Variants in CYSLTR2 observed in about 807,000 individuals in gnomAD.
CYSLTR2 encodes G-protein coupled receptor GPCR21.
For missense variants in CYSLTR2, 398 were observed against 411.9 expected (o/e 0.97, Z 0.29); for synonymous variants, 179 against 160.8 (o/e 1.11, Z -0.86).
intron 1 of CYSLTR2, among the ~76,000 whole-genome samples, chr13:48,683,602 G>A (rs1032242780): frequency 1.3e-5 from 2 of 151,736 alleles, no homozygotes; most frequent in Non-Finnish European, 1.5e-5. Context: ...TTATAGGTTG[G>A]TTTAAGTTCT....
Position 48,710,786 on chromosome 13 carries a change from A to G in CYSLTR2, c.*2928A>G, listed in dbSNP as rs1410914311. 6.6e-6 allele frequency: 1 copy of G among 152,230 alleles called. No individual in the cohort carries two copies. Among genetic ancestry groups the G allele is most frequent in the Non-Finnish European group, 1.5e-5 (1 of 68,030 alleles). 9.4% of individuals were successfully genotyped at this position (152,230 alleles called of 1,614,324 possible). ...AAGACATGAACAGAAATGTGTTCCAATTGACAGCAATCGGGTTTGGTACTA... is the reference window on the plus strand; with the variant it reads ...AAGACATGAACAGAAATGTGTTCCAGTTGACAGCAATCGGGTTTGGTACTA... On this transcript the variant is annotated 3_prime_UTR_variant, in exon 5 of 5. Transcript: ENST00000682523.
At chr13:48,704,844 G>A (rs1369759501) in intron 4 of CYSLTR2, among the ~76,000 whole-genome samples, 1 of 152,024 alleles carries the variant, frequency 6.6e-6, no homozygotes, top group East Asian at 1.9e-4. Context: ...ATCTATCGAG[G>A]TTTGTTTTAT....
At chr13:48,673,286 C>G (rs1368138843) in intron 1 of CYSLTR2, among the ~76,000 whole-genome samples, 1 of 152,078 alleles carries the variant, frequency 6.6e-6, no homozygotes, top group Non-Finnish European at 1.5e-5. Flanking sequence ...AATCCGGGTG[C>G]TCCTGTATTG....
At chr13:48,676,888 CTT>C (rs1169918448) in intron 1 of CYSLTR2, among the ~76,000 whole-genome samples, 1 of 152,176 alleles carries the variant, frequency 6.6e-6, no homozygotes, top group Non-Finnish European at 1.5e-5. Flanking sequence ...AAAGAAAATT[CTT>C]TGCAAACTAT....
At chr13:48,665,198 A>G (rs1448466724) in intron 1 of CYSLTR2, among the ~76,000 whole-genome samples, 1 of 152,016 alleles carries the variant, frequency 6.6e-6, no homozygotes, top group East Asian at 1.9e-4. Flanking sequence ...TTGATTCTTA[A>G]AAAAATTTTT....
At chr13:48,680,795 CT>C (rs1268529678) in intron 1 of CYSLTR2, among the ~76,000 whole-genome samples, 6 of 110,590 alleles carry the variant, frequency 5.4e-5, no homozygotes, top group Middle Eastern at 5.3e-3. Context: ...CTTTTCTTTT[CT>C]TTTCTTTTTT....
intron 1 of CYSLTR2, among the ~76,000 whole-genome samples, chr13:48,658,325 G>A (rs778210550): frequency 3.5e-4 from 53 of 152,104 alleles, no homozygotes; most frequent in Non-Finnish European, 1.0e-4. Flanking sequence ...AATTTTCAAG[G>A]AAAAACACAT....
intron 4 of CYSLTR2, among the ~76,000 whole-genome samples, chr13:48,699,588 C>G (rs760746432): frequency 6.6e-6 from 1 of 152,070 alleles, no homozygotes; most frequent in Non-Finnish European, 1.5e-5. Flanking sequence ...AATTTACACC[C>G]TAACATCACA....
chr13:48,680,795 C>CTTT (rs1268529678), intron 1 of CYSLTR2, among the ~76,000 whole-genome samples: 34 of 110,574 alleles, frequency 3.1e-4, no homozygotes, highest in African/African-American at 1.2e-3. Context: ...CTTTTCTTTT[C>CTTT]TTTTCTTTTT....
chr13:48,687,975 A>G (rs936388455), intron 1 of CYSLTR2, among the ~76,000 whole-genome samples: 6 of 152,330 alleles, frequency 3.9e-5, no homozygotes, highest in South Asian at 4.1e-4. Flanking sequence ...GAGGTGGGAA[A>G]ATCCCTTCAG....
chr13:48,691,801 A>C (rs1954046672), intron 2 of CYSLTR2, among the ~76,000 whole-genome samples: 1 of 152,078 alleles, frequency 6.6e-6, no homozygotes, highest in Non-Finnish European at 1.5e-5. Flanking sequence ...AAAAGGGTTT[A>C]ATCCTTGAAA....
chr13:48,684,609 G>T (rs1002675984), intron 1 of CYSLTR2, among the ~76,000 whole-genome samples: 15 of 151,980 alleles, frequency 9.9e-5, no homozygotes, highest in African/African-American at 2.7e-4. Flanking sequence ...CACACACAGT[G>T]TCTCAACCTC....
chr13:48,686,905 A>G (rs1308041450), intron 1 of CYSLTR2, among the ~76,000 whole-genome samples: 2 of 152,222 alleles, frequency 1.3e-5, no homozygotes, highest in African/African-American at 4.8e-5. Context: ...CTTGTAAAGC[A>G]TGACTTCTGC....
intron 4 of CYSLTR2, among the ~76,000 whole-genome samples, chr13:48,702,217 A>G (rs1003022490): frequency 2.2e-5 from 3 of 138,134 alleles, no homozygotes; most frequent in Non-Finnish European, 3.0e-5. Flanking sequence ...CAATGAGAAC[A>G]CTTGGACACA....
intron 1 of CYSLTR2, among the ~76,000 whole-genome samples, chr13:48,676,405 G>A (rs941028553): frequency 1.3e-5 from 2 of 152,180 alleles, no homozygotes; most frequent in African/African-American, 4.8e-5. Context: ...GTTACATCTA[G>A]CAATGATGTA....
intron 1 of CYSLTR2, among the ~76,000 whole-genome samples, chr13:48,667,074 A>G (rs540400265): frequency 2.2e-4 from 34 of 152,298 alleles, no homozygotes; most frequent in African/African-American, 7.7e-4. Context: ...TATTCATATA[A>G]ATGTGTCCTG....
intron 1 of CYSLTR2, among the ~76,000 whole-genome samples, chr13:48,677,790 TA>T (rs1953639155): frequency 6.6e-6 from 1 of 152,196 alleles, no homozygotes; most frequent in South Asian, 2.1e-4. Flanking sequence ...TTTCTTTTTT[TA>T]TTATTAGCTT....
intron 3 of CYSLTR2, among the ~76,000 whole-genome samples, chr13:48,695,391 T>TCTC (rs1954154192): frequency 2.2e-5 from 3 of 138,844 alleles, no homozygotes; most frequent in Non-Finnish European, 3.0e-5. Context: ...CTTTCTTTCT[T>TCTC]TCTCTCTCTC....
intron 1 of CYSLTR2, among the ~76,000 whole-genome samples, chr13:48,662,090 C>A (rs1342891741): frequency 6.6e-6 from 1 of 152,118 alleles, no homozygotes; most frequent in Non-Finnish European, 1.5e-5. Context: ...TGAGTGAGAA[C>A]ATATGGTGTT....
Sources: allele counts gnomAD v4.1 joint callset (sites outside exome capture counted in the v4.1 genomes callset), GRCh38; gene constraint gnomAD v4.1.1; transcripts MANE v1.5; gene names NCBI Gene and HGNC (gene_info 2026-07-23, HGNC 2026-07-21).